The following PTPRK variants were observed in gnomAD, a reference collection of about 807,000 sequenced individuals.
PTPRK encodes receptor-type tyrosine-protein phosphatase kappa.
A neutral mutation model predicts 178.0 loss-of-function variants in PTPRK; 75 were observed. The observed-to-expected ratio is 0.42, with a 90% CI of 0.35 to 0.51. The LOEUF (loss-of-function observed/expected upper bound fraction) is 0.51. Ranked by LOEUF, PTPRK falls within the 20% of genes least tolerant of loss-of-function variation. The pLI, the probability that PTPRK is intolerant of heterozygous loss-of-function variation, is 0.02. For missense variants in PTPRK, 1,441 were observed against 1,797.8 expected (o/e 0.80, Z 3.59); for synonymous variants, 637 against 620.6 (o/e 1.03, Z -0.39).
At chr6:128,046,364 C>T (rs1413320484) in intron 13 of PTPRK, among the ~76,000 whole-genome samples, 1 of 152,034 alleles carries the variant, frequency 6.6e-6, no homozygotes, top group East Asian at 1.9e-4. Flanking sequence ...TGCTCAGGCA[C>T]TCAGAGGAAA....
At chr6:128,017,229 T>A (rs1405211270) in intron 13 of PTPRK, among the ~76,000 whole-genome samples, 2 of 152,086 alleles carry the variant, frequency 1.3e-5, no homozygotes, top group Non-Finnish European at 2.9e-5. Flanking sequence ...GATCTTTGTT[T>A]AGTTATTCCT....
chr6:127,990,919 A>T, intron 20 of PTPRK, 34 bp from the exon 21 acceptor site: 9 of 1,230,588 alleles, frequency 7.3e-6, no homozygotes, highest in Non-Finnish European at 1.1e-5. Context: ...GACAGACCTG[A>T]ATATATAATA....
intron 7 of PTPRK, among the ~76,000 whole-genome samples, chr6:128,120,715 C>A (rs1376800993): frequency 4.6e-5 from 7 of 151,750 alleles, no homozygotes; most frequent in Non-Finnish European, 8.9e-5. Context: ...ATATCTTAGA[C>A]AAAGAAGTCA....
chr6:128,395,274 G>A (rs888391252), intron 2 of PTPRK, among the ~76,000 whole-genome samples: 6 of 152,032 alleles, frequency 3.9e-5, no homozygotes, highest in South Asian at 2.1e-4. Flanking sequence ...TGTTTCATTC[G>A]GCAAAGTGGC....
intron 1 of PTPRK, among the ~76,000 whole-genome samples, chr6:128,405,018 A>C (rs1841487933): frequency 1.3e-5 from 2 of 152,312 alleles, no homozygotes; most frequent in Admixed American, 6.5e-5. Context: ...TAGCATGATG[A>C]TGCTGCATCC....
chr6:128,139,172 CAACAACATTATGGAGAACG>C (rs1192576518), intron 7 of PTPRK, among the ~76,000 whole-genome samples: 1 of 151,912 alleles, frequency 6.6e-6, no homozygotes, highest in Non-Finnish European at 1.5e-5. Flanking sequence ...GGACAGAGAA[CAACAACATTATGGAGAACG>C]AACAACATTA....
chr6:128,422,521 C>G (rs1163846607), intron 1 of PTPRK, among the ~76,000 whole-genome samples: 1 of 151,894 alleles, frequency 6.6e-6, no homozygotes, highest in African/African-American at 2.4e-5. Context: ...TCATTAGATT[C>G]CCATGTACTT....
intron 7 of PTPRK, among the ~76,000 whole-genome samples, chr6:128,097,030 T>C (rs1788031639): frequency 6.6e-6 from 1 of 152,212 alleles, no homozygotes; most frequent in African/African-American, 2.4e-5. Context: ...TACATTTCAC[T>C]TCTTTTCAAT....
At chr6:128,449,983 C>T (rs1847565626) in intron 1 of PTPRK, among the ~76,000 whole-genome samples, 3 of 151,396 alleles carry the variant, frequency 2.0e-5, no homozygotes, top group South Asian at 4.2e-4. Context: ...TGGCACACGC[C>T]TGTTATTTCA....
chr6:128,132,415 G>A (rs200935927), intron 7 of PTPRK, among the ~76,000 whole-genome samples: 8 of 152,098 alleles, frequency 5.3e-5, no homozygotes, highest in Admixed American at 3.9e-4. Flanking sequence ...CTCGTGATCC[G>A]CCCGCCTCGG....
At chr6:128,421,374 G>T (rs544696946) in intron 1 of PTPRK, among the ~76,000 whole-genome samples, 1 of 152,148 alleles carries the variant, frequency 6.6e-6, no homozygotes, top group Non-Finnish European at 1.5e-5. Flanking sequence ...ATATTTTTAA[G>T]AACATCGGTA....
intron 7 of PTPRK, among the ~76,000 whole-genome samples, chr6:128,130,856 C>T (rs1794124304): frequency 1.3e-5 from 2 of 152,054 alleles, no homozygotes; most frequent in Admixed American, 1.3e-4. Flanking sequence ...AATTGAATAA[C>T]TGAATTATAG....
chr6:128,485,473 C>G (rs191253079), intron 1 of PTPRK, among the ~76,000 whole-genome samples: 1 of 152,082 alleles, frequency 6.6e-6, no homozygotes, highest in Non-Finnish European at 1.5e-5. Context: ...CACACACACA[C>G]AGATAATGCC....
chr6:128,364,634 C>CAGAT (rs942764046), intron 2 of PTPRK, among the ~76,000 whole-genome samples: 1 of 151,906 alleles, frequency 6.6e-6, no homozygotes, highest in Non-Finnish European at 1.5e-5. Flanking sequence ...ATTAAACAGA[C>CAGAT]AGATAAATAA....
chr6:128,091,875 A>C (rs1787021888), intron 7 of PTPRK, among the ~76,000 whole-genome samples: 1 of 152,166 alleles, frequency 6.6e-6, no homozygotes, highest in Non-Finnish European at 1.5e-5. Flanking sequence ...CTATTTTGAA[A>C]GCATACCTAG....
intron 7 of PTPRK, among the ~76,000 whole-genome samples, chr6:128,134,101 T>G (rs1794666338): frequency 6.6e-6 from 1 of 152,224 alleles, no homozygotes; most frequent in African/African-American, 2.4e-5. Context: ...TTACCAATAA[T>G]TAGCAATAAA....
intron 2 of PTPRK, among the ~76,000 whole-genome samples, chr6:128,394,838 T>C (rs1840073638): frequency 1.3e-5 from 2 of 152,182 alleles, no homozygotes; most frequent in African/African-American, 4.8e-5. Flanking sequence ...TCTTTCATTC[T>C]AATCTATTTA....
chr6:128,509,311 T>C (rs62425737), intron 1 of PTPRK, among the ~76,000 whole-genome samples: 15,950 of 152,212 alleles, frequency 0.1, 1,001 homozygotes, highest in Non-Finnish European at 0.15. Context: ...AGGAAATACA[T>C]ATATGTGAAA....
At chr6:128,440,662 G>A (rs955753871) in intron 1 of PTPRK, among the ~76,000 whole-genome samples, 1 of 151,996 alleles carries the variant, frequency 6.6e-6, no homozygotes, top group African/African-American at 2.4e-5. Context: ...TTAATAGAAG[G>A]TAGTACACTA....
Sources: allele counts gnomAD v4.1 joint callset (sites outside exome capture counted in the v4.1 genomes callset), GRCh38; gene constraint gnomAD v4.1.1; transcripts MANE v1.5; gene names NCBI Gene and HGNC (gene_info 2026-07-23, HGNC 2026-07-21).